The following CSTPP1 variants were observed in gnomAD, a reference collection of about 807,000 sequenced individuals.
CSTPP1 encodes the protein centriolar satellite-associated tubulin polyglutamylase complex regulator 1.
chr11:47,004,564 A>T, the CSTPP1 span: 1 of 151,848 alleles, frequency 6.6e-6, no homozygotes, highest in Admixed American at 6.6e-5. Flanking sequence ...TGCCTGCATG[A>T]CTCTTAACCA....
At chr11:47,062,863 A>AGC in the CSTPP1 span, among the ~76,000 whole-genome samples, 1 of 152,212 alleles carries the variant, frequency 6.6e-6, no homozygotes, top group Non-Finnish European at 1.5e-5. Flanking sequence ...AAGAATGGAA[A>AGC]ATCCTCCCAG....
the CSTPP1 span, among the ~76,000 whole-genome samples, chr11:46,985,291 C>A: frequency 3.3e-5 from 5 of 152,112 alleles, no homozygotes. Flanking sequence ...GGCAGGTAAA[C>A]TTACTTGTTT....
chr11:47,055,179 C>T, the CSTPP1 span, among the ~76,000 whole-genome samples: 1 of 151,928 alleles, frequency 6.6e-6, no homozygotes, highest in Non-Finnish European at 1.5e-5. Context: ...GCCACTCGTC[C>T]ACCTCAGCCT....
chr11:47,030,151 A>C, the CSTPP1 span, among the ~76,000 whole-genome samples: 4 of 152,128 alleles, frequency 2.6e-5, no homozygotes, highest in Non-Finnish European at 4.4e-5. Flanking sequence ...CAAAACAAAA[A>C]AAACCTATCA....
the CSTPP1 span, chr11:46,947,911 A>G: frequency 2.5e-6 from 1 of 395,734 alleles, no homozygotes; most frequent in Admixed American, 2.9e-5. Flanking sequence ...ATAGAGCTGC[A>G]TTAGGGCCCA....
At chr11:47,016,397 C>T in the CSTPP1 span, among the ~76,000 whole-genome samples, 1 of 74,696 alleles carries the variant, frequency 1.3e-5, no homozygotes, top group African/African-American at 6.1e-5. Context: ...CTACAAAAAA[C>T]AAAAAACAAA....
the CSTPP1 span, among the ~76,000 whole-genome samples, chr11:47,077,639 A>AT: frequency 6.6e-6 from 1 of 152,240 alleles, no homozygotes; most frequent in East Asian, 1.9e-4. Context: ...TCTAGCATCA[A>AT]GGGGTGCAAC....
chr11:47,143,325 A>G, the CSTPP1 span, among the ~76,000 whole-genome samples: 1 of 152,190 alleles, frequency 6.6e-6, no homozygotes. Flanking sequence ...GGCAGTTACT[A>G]TTGCTAGAAG....
At chr11:47,157,684 C>T in the CSTPP1 span, 4 of 814,526 alleles carry the variant, frequency 4.9e-6, no homozygotes, top group Non-Finnish European at 8.1e-6. Context: ...GGCCTGATCC[C>T]CCAGGGCCTT....
chr11:46,957,312 CCTATGT>C, the CSTPP1 span, among the ~76,000 whole-genome samples: 1 of 152,228 alleles, frequency 6.6e-6, no homozygotes, highest in Middle Eastern at 3.4e-3. Context: ...TTTCCTAAAG[CCTATGT>C]CTTCCTTTTT....
the CSTPP1 span, among the ~76,000 whole-genome samples, chr11:47,143,097 G>A: frequency 2.6e-5 from 4 of 152,208 alleles, no homozygotes; most frequent in African/African-American, 9.6e-5. Flanking sequence ...CCCCGAGTAT[G>A]AGCATCAAGC....
the CSTPP1 span, among the ~76,000 whole-genome samples, chr11:47,029,268 T>G: frequency 6.6e-6 from 1 of 152,186 alleles, no homozygotes; most frequent in Admixed American, 6.5e-5. Flanking sequence ...CAACTCAGAA[T>G]ATATTTTTTC....
the CSTPP1 span, among the ~76,000 whole-genome samples, chr11:47,036,375 CA>C: frequency 1.0e-4 from 11 of 105,166 alleles, 3 homozygotes; most frequent in Non-Finnish European, 2.2e-4. Context: ...TACCGTACTG[CA>C]GGGGGTTGGA....
chr11:46,983,260 A>G, the CSTPP1 span, among the ~76,000 whole-genome samples: 2 of 152,344 alleles, frequency 1.3e-5, no homozygotes, highest in African/African-American at 4.8e-5. Flanking sequence ...AACAGAACCA[A>G]GAAGTTTCTG....
the CSTPP1 span, among the ~76,000 whole-genome samples, chr11:46,954,232 A>G: frequency 1.3e-5 from 2 of 152,226 alleles, no homozygotes; most frequent in African/African-American, 4.8e-5. Context: ...GGAAAACATG[A>G]TGTCACAAAT....
chr11:46,978,014 C>G, the CSTPP1 span, among the ~76,000 whole-genome samples: 1 of 152,184 alleles, frequency 6.6e-6, no homozygotes, highest in Non-Finnish European at 1.5e-5. Flanking sequence ...CTGGGAGGCA[C>G]AGTCCTAAAG....
At chr11:46,977,637 G>A in the CSTPP1 span, among the ~76,000 whole-genome samples, 1 of 152,170 alleles carries the variant, frequency 6.6e-6, no homozygotes, top group Non-Finnish European at 1.5e-5. Flanking sequence ...TATGAACGGT[G>A]GCTTACTGAG....
the CSTPP1 span, among the ~76,000 whole-genome samples, chr11:47,098,686 G>C: frequency 6.6e-6 from 1 of 151,936 alleles, no homozygotes; most frequent in Non-Finnish European, 1.5e-5. Context: ...ATTTTTAGTA[G>C]AGATGAGGTT....
chr11:47,119,553 T>C, the CSTPP1 span, among the ~76,000 whole-genome samples: 1 of 150,536 alleles, frequency 6.6e-6, no homozygotes, highest in Non-Finnish European at 1.5e-5. Flanking sequence ...TGCTGGGAGC[T>C]ACAGAACGGA....
Sources: gnomAD v4.1 joint callset for allele counts (sites outside exome capture counted in the v4.1 genomes callset) on GRCh38, gnomAD v4.1.1 for gene constraint, MANE v1.5 for transcripts, NCBI Gene and HGNC (gene_info 2026-07-23, HGNC 2026-07-21) for gene names.